Variants in PRAMEF11 observed in about 807,000 individuals in gnomAD.
The protein encoded by PRAMEF11 is PRAME family member 11.
PRAMEF11 carries 17 observed loss-of-function variants against 33.6 expected under a neutral mutation model. The ratio of observed to expected loss-of-function variants is 0.51; its 90% CI spans 0.35 to 0.76. The LOEUF (loss-of-function observed/expected upper bound fraction) is 0.76, where lower values mean the gene tolerates loss of function less well. Ranked by LOEUF, PRAMEF11 falls within the 30% of genes least tolerant of loss-of-function variation. The pLI, the probability that PRAMEF11 is intolerant of heterozygous loss-of-function variation, is 0.01. For missense variants in PRAMEF11, 568 were observed against 567.0 expected (o/e 1.00, Z -0.02); for synonymous variants, 205 against 227.3 (o/e 0.90, Z 0.88).
intron 1 of PRAMEF11, among the ~76,000 whole-genome samples, chr1:12,829,670 A>G (rs572013412): frequency 6.6e-6 from 1 of 151,414 alleles, no homozygotes; most frequent in East Asian, 2.0e-4. Flanking sequence ...TTGGCCTCCC[A>G]ACATAGTGGG....
chr1:12,829,524 T>C (rs368367158), intron 1 of PRAMEF11, among the ~76,000 whole-genome samples: 12 of 150,350 alleles, frequency 8.0e-5, no homozygotes, highest in Admixed American at 2.0e-4. Flanking sequence ...CCTCAGCCTC[T>C]CAAGTAGCTG....
Position 12,825,261 on chromosome 1 carries a change from A to T in PRAMEF11, c.1118T>A (p.Leu373Gln), listed in dbSNP as rs540552224. 1.9e-6 allele frequency: 3 copies of T among 1,606,148 alleles called. No individual in the cohort carries two copies. In the African/African-American group the frequency reaches 4.0e-5, roughly 22 times the overall value. The change falls in exon 4 of 4, where the codon CTG becomes CAG. Residue 373 changes from leucine (L) to glutamine (Q), a missense_variant. Physicochemically the swap from Leu to Gln is moderately radical, Grantham distance 113. This residue lies in a region of PRAMEF11 where 174 missense variants were observed against 127.2 expected (regional missense o/e 1.37). Coordinates refer to ENST00000619922, the MANE Select transcript of PRAMEF11 (RefSeq NM_001146344.3). ...GIIDSQVNAILPALSRCFELN... is the reference protein window; with the variant it reads ...GIIDSQVNAIQPALSRCFELN... ...CTCAAAGCAGCGGCTCAGGGCAGGC[A>T]GGATGGCGTTGACTTGGGAGTCTAT... is the stretch of plus-strand genomic sequence containing the variant.
chr1:12,830,289 T>G lies in PRAMEF11; in HGVS notation c.-17+1067A>C, dbSNP rs1314398977. On this transcript the variant is annotated intron_variant, in intron 1 of 3. Transcript: ENST00000619922. The stretch of plus-strand genomic sequence containing the variant: ...TCCAAAGATCACCTAGGTGGCGTAA[T>G]TCTTTTTGGTGTTGAGGGAGCTGAA... Among the ~76,000 whole-genome samples, 2 of 150,834 alleles carry G rather than the reference T, an allele frequency of 1.3e-5. 1 individual carries two copies. The highest frequency in any genetic ancestry group is 4.9e-5 in the African/African-American group (2 of 41,156).
At chr1:12,830,046 A>G (rs201867727) in intron 1 of PRAMEF11, among the ~76,000 whole-genome samples, 1 of 151,400 alleles carries the variant, frequency 6.6e-6, no homozygotes, top group Admixed American at 6.6e-5. Flanking sequence ...CTTCACAAAC[A>G]TGGAGTTTTA....
Position 12,826,859 on chromosome 1 carries a change from C to T in PRAMEF11, c.875+390G>A, listed in dbSNP as rs1025511882. ...CAGACTGCTCTTAAACTCCTAGGCT[C>T]AAGCTATCCTCTTGCCTCAGACTCC... is the stretch of plus-strand genomic sequence containing the variant. On this transcript the variant is annotated intron_variant, in intron 3 of 3. Coordinates refer to ENST00000619922, the MANE Select transcript of PRAMEF11 (RefSeq NM_001146344.3). Among the ~76,000 whole-genome samples the T allele has an allele frequency of 9.2e-5, 14 of 151,438 alleles. 2 individuals are homozygous for T. Among genetic ancestry groups the T allele is most frequent in the Non-Finnish European group, 2.1e-4 (14 of 67,794 alleles).
rs76039145 is a variant in PRAMEF11 at position 12,828,735 on chromosome 1, G to C, written c.55C>G (p.Leu19Val). 31 of 1,610,074 alleles carry C rather than the reference G, an allele frequency of 1.9e-5. 2 individuals are homozygous for C. The highest frequency in any genetic ancestry group is 3.4e-4 in the Middle Eastern group (2 of 5,848). Residue 19 changes from leucine to valine, a missense_variant, in exon 2 of 4, where the codon CTG (leucine) becomes GTG (valine). This residue lies in a region of PRAMEF11 where 342 missense variants were observed against 312.0 expected (regional missense o/e 1.10). Coordinates refer to ENST00000619922, the MANE Select transcript of PRAMEF11 (RefSeq NM_001146344.3). ...PRLLELAGRS[L>V]LRDQALAVST... ...ACGGCCAAGGCTTGGTCCCTCAGCA[G>C]GCTCCGCCCCGCAAGCTCCAGGAGT... is the stretch of plus-strand genomic sequence containing the variant.
rs188502267 is a variant in PRAMEF11 at position 12,826,368 on chromosome 1, C to T, written c.876-865G>A. On this transcript the variant is annotated intron_variant, in intron 3 of 3. Coordinates refer to ENST00000619922, the MANE Select transcript of PRAMEF11 (RefSeq NM_001146344.3). ...GATGGGATCATTCATGTTCACCAAA[C>T]TGTGGGGCACAAAGCTGATTTTCTG... is the stretch of plus-strand genomic sequence containing the variant. Among the ~76,000 whole-genome samples the T allele has an allele frequency of 6.1e-4, 93 of 151,330 alleles. 3 individuals carry two copies. In the East Asian group the frequency reaches 0.018, roughly 29 times the overall value.
chr1:12,830,357 G>C (rs553624805), intron 1 of PRAMEF11, among the ~76,000 whole-genome samples: 3 of 151,038 alleles, frequency 2.0e-5, no homozygotes, highest in Admixed American at 1.3e-4. Flanking sequence ...GTGTCATATC[G>C]GCTCACTGTT....
At chr1:12,830,999 C>CA (rs34338341) in intron 1 of PRAMEF11, among the ~76,000 whole-genome samples, 1,560 of 132,246 alleles carry the variant, frequency 0.012, 40 homozygotes, top group African/African-American at 0.04. Flanking sequence ...TCCCCACCCT[C>CA]AAAAAAAAAA....
In PRAMEF11 at chr1:12,825,316, C is replaced by T; in HGVS notation, c.1063G>A (p.Glu355Lys). 6.3e-7 allele frequency: 1 copy of T among 1,592,168 alleles called. No individual in the cohort carries two copies. Among genetic ancestry groups the T allele is most frequent in the South Asian group, 1.1e-5 (1 of 89,652 alleles). ...ILLEKVAATLEYLDLDDCGII... is the reference protein window; with the variant it reads ...ILLEKVAATLKYLDLDDCGII... ...CCACAGTCATCTAAATCCAGGTACT[C>T]AAGGGTGGCTGCAACTTTTTCTAGG... The change falls in exon 4 of 4, where the codon GAG becomes AAG. Residue 355 changes from glutamate (E) to lysine (K), a missense_variant. Coordinates refer to ENST00000619922, the MANE Select transcript of PRAMEF11 (RefSeq NM_001146344.3).
At chr1:12,826,355 C>A (rs2100339401) in intron 3 of PRAMEF11, among the ~76,000 whole-genome samples, 1 of 151,212 alleles carries the variant, frequency 6.6e-6, no homozygotes, top group South Asian at 2.1e-4. Context: ...TGGGATCATT[C>A]ATGTTCACCA....
rs1369666559 is a variant in PRAMEF11 at position 12,827,343 on chromosome 1, G to C, written c.781C>G (p.Gln261Glu). ...SPEQKKEIVT[Q>E]FTTQFLKLRC... ...AGCTTGAGGAACTGAGTGGTGAACT[G>C]GGTAACAATCTCCTTCTTCTGCTCT... Residue 261 changes from glutamine (Q) to glutamate (E), a missense_variant, in exon 3 of 4, where the codon CAG (glutamine) becomes GAG (glutamate). Gln to Glu is a conservative substitution (Grantham distance 29). Coordinates refer to ENST00000619922, the MANE Select transcript of PRAMEF11 (RefSeq NM_001146344.3). The C allele has an allele frequency of 6.3e-7, 1 of 1,599,392 alleles. No homozygotes were observed. Among genetic ancestry groups the C allele is most frequent in the Non-Finnish European group, 8.5e-7 (1 of 1,178,354 alleles).
In PRAMEF11 at chr1:12,825,139, G is replaced by A. The variant is rs754892862; in HGVS notation, c.1240C>T (p.Leu414=). The A allele has an allele frequency of 1.1e-5, 17 of 1,609,242 alleles. 2 individuals are homozygous for A. In the African/African-American group the frequency reaches 1.1e-4, roughly 10 times the overall value. Reference sequence around the variant, plus strand: ...TAACTTTCCTGCGGGGCAGGATACAGCTCCAGGCATAAGTTTTTGAGTATG... The same window carrying A: ...TAACTTTCCTGCGGGGCAGGATACAACTCCAGGCATAAGTTTTTGAGTATG... ...TIILKNLCLE[L]YPAPQESYGA... is the part of the protein sequence containing the mutation. The change falls in exon 4 of 4, where the codon CTG becomes TTG. Residue 414 remains leucine (L), a synonymous_variant. Coordinates refer to ENST00000619922, the MANE Select transcript of PRAMEF11 (RefSeq NM_001146344.3).
chr1:12,829,309 C>G (rs1207980061), intron 1 of PRAMEF11, among the ~76,000 whole-genome samples: 1 of 135,544 alleles, frequency 7.4e-6, no homozygotes. Flanking sequence ...CTCTCTCCCT[C>G]CCTTCTTTCT....
Position 12,824,767 on chromosome 1 carries a change from G to C in PRAMEF11, c.*175C>G. 3 of 1,032,250 alleles carry C rather than the reference G, an allele frequency of 2.9e-6. No individual in the cohort carries two copies. Among genetic ancestry groups the C allele is most frequent in the Non-Finnish European group, 4.2e-6 (3 of 718,190 alleles). 63.9% of individuals were successfully genotyped at this position (1,032,250 alleles called of 1,614,324 possible). The stretch of plus-strand genomic sequence containing the variant: ...TTCCCAAAGTCCCATTGAATCCATG[G>C]CAACATTTCCCCCAAGTCCTGCCCC... On this transcript the variant is annotated 3_prime_UTR_variant, in exon 4 of 4. Transcript: ENST00000619922.
rs776941373 is a variant in PRAMEF11, at chr1:12,827,484, C to G, written c.640G>C (p.Val214Leu). 1 of 1,611,156 alleles carries G rather than the reference C, an allele frequency of 6.2e-7. No individual in the cohort carries two copies. The highest frequency in any genetic ancestry group is 1.3e-5 in the African/African-American group (1 of 74,620). ...ATGGGCAGTATCCACTTGCAATTCA[C>G]TTCCACCTCCTGGATACAGTCTAGG... ...VNLDCIQEVE[V>L]NCKWILPILT... Residue 214 changes from valine (V) to leucine (L), a missense_variant, in exon 3 of 4, where the codon GTG becomes CTG. Val to Leu is a conservative substitution (Grantham distance 32, BLOSUM62 1). This residue lies in a region of PRAMEF11 where 342 missense variants were observed against 312.0 expected (regional missense o/e 1.10). Transcript: ENST00000619922.
rs1446233300 is a variant in PRAMEF11, at chr1:12,828,736, G to T, written c.54C>A (p.Ser18Arg). 2 of 1,610,004 alleles carry T rather than the reference G, an allele frequency of 1.2e-6. No individual in the cohort carries two copies. The highest frequency in any genetic ancestry group is 1.7e-6 in the Non-Finnish European group (2 of 1,178,030). ...PPRLLELAGR[S>R]LLRDQALAVS... ...CGGCCAAGGCTTGGTCCCTCAGCAG[G>T]CTCCGCCCCGCAAGCTCCAGGAGTC... The change falls in exon 2 of 4, where the codon AGC becomes AGA. Residue 18 changes from serine (S) to arginine (R), a missense_variant. Physicochemically the swap from Ser to Arg is moderately radical, Grantham distance 110. Coordinates refer to ENST00000619922, the MANE Select transcript of PRAMEF11 (RefSeq NM_001146344.3).
intron 3 of PRAMEF11, among the ~76,000 whole-genome samples, chr1:12,826,509 C>G (rs1345271823): frequency 6.6e-6 from 1 of 151,212 alleles, no homozygotes; most frequent in Non-Finnish European, 1.5e-5. Flanking sequence ...CGCCTATAAT[C>G]CCAGCACTTT....
chr1:12,827,274 C>T lies in PRAMEF11; in HGVS notation c.850G>A (p.Glu284Lys), dbSNP rs756573795. Residue 284 changes from glutamate (E) to lysine (K), a missense_variant, in exon 3 of 4, where the codon GAA (glutamate) becomes AAA (lysine). Glu to Lys is a moderately conservative substitution (Grantham distance 56, BLOSUM62 1). This residue lies in a region of PRAMEF11 where 52 missense variants were observed against 127.8 expected (regional missense o/e 0.41). Transcript: ENST00000619922. ...KLYMNSVSFL[E>K]GHLDQLLSCL... is the part of the protein sequence containing the mutation. ...CTGAGCAGCTGGTCCAGGTGGCCTTCGAGGAAAGAAACAGAGTTCATATAA... is the reference window on the plus strand; with the variant it reads ...CTGAGCAGCTGGTCCAGGTGGCCTTTGAGGAAAGAAACAGAGTTCATATAA... 61 of 1,597,394 alleles carry T rather than the reference C, an allele frequency of 3.8e-5. 1 individual carries two copies. Among genetic ancestry groups the T allele is most frequent in the Middle Eastern group, 2.1e-4 (1 of 4,710 alleles).
Sources: allele counts gnomAD v4.1 joint callset (sites outside exome capture counted in the v4.1 genomes callset), GRCh38; gene constraint gnomAD v4.1.1; regional missense constraint gnomAD v4.1.1; transcripts MANE v1.5; gene names NCBI Gene and HGNC (gene_info 2026-07-23, HGNC 2026-07-21).